Variants in CNTN5 observed in about 807,000 individuals in gnomAD.
CNTN5 encodes contactin 5.
In CNTN5, 77 loss-of-function variants were observed where a neutral mutation model predicts 129.1. The observed-to-expected ratio is 0.60, with a 90% CI of 0.50 to 0.72. The LOEUF (loss-of-function observed/expected upper bound fraction) is 0.72, where lower values mean the gene tolerates loss of function less well. CNTN5 is among the 30% of genes least tolerant of loss of function. The pLI is 0.00. For missense variants in CNTN5, 1,478 were observed against 1,328.8 expected (o/e 1.11, Z -1.75); for synonymous variants, 509 against 465.6 (o/e 1.09, Z -1.20).
intron 3 of CNTN5, among the ~76,000 whole-genome samples, chr11:99,764,638 A>G (rs1591123369): frequency 6.6e-6 from 1 of 151,718 alleles, no homozygotes; most frequent in South Asian, 2.1e-4. Flanking sequence ...CTAGTCTTGA[A>G]CTCCCGATCT....
intron 2 of CNTN5, among the ~76,000 whole-genome samples, chr11:99,392,416 A>T (rs2136190653): frequency 1.3e-5 from 2 of 151,934 alleles, no homozygotes; most frequent in East Asian, 3.9e-4. Flanking sequence ...GATGAAATTG[A>T]AAATACAAAA....
chr11:99,380,510 C>T (rs1343278972), intron 2 of CNTN5, among the ~76,000 whole-genome samples: 2 of 152,072 alleles, frequency 1.3e-5, no homozygotes, highest in Non-Finnish European at 2.9e-5. Flanking sequence ...TGGCTCACGC[C>T]TGTAATCCCA....
intron 15 of CNTN5, among the ~76,000 whole-genome samples, chr11:100,206,462 A>G (rs1948914428): frequency 6.6e-6 from 1 of 152,168 alleles, no homozygotes. Flanking sequence ...GTACATATAC[A>G]TAGCAAAAGT....
chr11:99,048,216 C>T (rs1864291764), intron 1 of CNTN5, among the ~76,000 whole-genome samples: 2 of 151,922 alleles, frequency 1.3e-5, no homozygotes, highest in African/African-American at 4.8e-5. Flanking sequence ...TAGGTAAAGT[C>T]CAAGGTGACC....
At chr11:99,431,437 A>G (rs1943366427) in intron 2 of CNTN5, among the ~76,000 whole-genome samples, 1 of 152,176 alleles carries the variant, frequency 6.6e-6, no homozygotes, top group Non-Finnish European at 1.5e-5. Context: ...TCACTTTTTT[A>G]ATGGAAATGA....
chr11:100,169,225 T>C (rs1947750254), intron 13 of CNTN5, among the ~76,000 whole-genome samples: 1 of 152,004 alleles, frequency 6.6e-6, no homozygotes, highest in African/African-American at 2.4e-5. Context: ...TGAAGAGGGT[T>C]GACTCCTATT....
chr11:99,508,441 G>A (rs970247462), intron 2 of CNTN5, among the ~76,000 whole-genome samples: 2 of 152,208 alleles, frequency 1.3e-5, no homozygotes, highest in African/African-American at 4.8e-5. Flanking sequence ...ATCCAGGGTT[G>A]TTGACTGAGT....
intron 16 of CNTN5, among the ~76,000 whole-genome samples, chr11:100,241,328 T>C (rs183496348): frequency 8.5e-5 from 13 of 152,182 alleles, no homozygotes; most frequent in Admixed American, 4.6e-4. Context: ...TCTACAAGTG[T>C]CTACAACTTC....
At chr11:99,612,615 C>A (rs940469127) in intron 3 of CNTN5, among the ~76,000 whole-genome samples, 1 of 152,150 alleles carries the variant, frequency 6.6e-6, no homozygotes, top group Non-Finnish European at 1.5e-5. Context: ...AACGTAGGAG[C>A]CTGAGCTCTC....
chr11:99,269,689 A>C (rs1267313826), intron 1 of CNTN5, among the ~76,000 whole-genome samples: 2 of 151,884 alleles, frequency 1.3e-5, no homozygotes, highest in African/African-American at 4.8e-5. Flanking sequence ...AGTCTACACA[A>C]CTTGAAATAT....
At chr11:99,551,570 G>A (rs1001733696) in intron 2 of CNTN5, among the ~76,000 whole-genome samples, 1 of 152,156 alleles carries the variant, frequency 6.6e-6, no homozygotes, top group South Asian at 2.1e-4. Flanking sequence ...ATCCCTTAAT[G>A]ACTGAGCCAT....
intron 1 of CNTN5, among the ~76,000 whole-genome samples, chr11:99,182,855 T>A (rs1858147032): frequency 6.6e-6 from 1 of 152,142 alleles, no homozygotes; most frequent in Admixed American, 6.5e-5. Context: ...CACTGTGTAA[T>A]GAAATATTAA....
At chr11:99,902,501 G>A (rs1243876143) in intron 6 of CNTN5, among the ~76,000 whole-genome samples, 1 of 152,032 alleles carries the variant, frequency 6.6e-6, no homozygotes, top group East Asian at 1.9e-4. Context: ...TGTATCACTA[G>A]TAAATAGACA....
At chr11:100,031,704 T>G (rs1941715557) in intron 9 of CNTN5, among the ~76,000 whole-genome samples, 1 of 152,238 alleles carries the variant, frequency 6.6e-6, no homozygotes, top group Non-Finnish European at 1.5e-5. Context: ...CTGTTTCTGT[T>G]TTAAGGCTCT....
intron 2 of CNTN5, among the ~76,000 whole-genome samples, chr11:99,349,742 GA>G (rs1938159929): frequency 1.3e-5 from 2 of 152,144 alleles, no homozygotes; most frequent in Admixed American, 1.3e-4. Flanking sequence ...ACTCATTTAA[GA>G]ACAGGATATG....
chr11:99,432,029 C>G (rs781750623), intron 2 of CNTN5, among the ~76,000 whole-genome samples: 1 of 152,114 alleles, frequency 6.6e-6, no homozygotes, highest in Admixed American at 6.6e-5. Flanking sequence ...CCAGTAAGTC[C>G]GCACTTTAGG....
At chr11:100,352,132 A>G (rs1461007164) in intron 24 of CNTN5, among the ~76,000 whole-genome samples, 1 of 151,508 alleles carries the variant, frequency 6.6e-6, no homozygotes, top group Non-Finnish European at 1.5e-5. Context: ...TAAGCCTAGT[A>G]CCCATTAGTT....
chr11:99,844,872 G>A lies in CNTN5; in HGVS notation c.298G>A (p.Val100Ile). Residue 100 changes from valine (V) to isoleucine (I), a missense_variant, in exon 5 of 25, where the codon GTT (valine) becomes ATT (isoleucine). Physicochemically the swap from Val to Ile is conservative, Grantham distance 29 (BLOSUM62 3). Transcript: ENST00000524871. ...KQDESVDYGP[V>I]FVQEPDDIIF... ...TACAGAAAGTGTGGACTATGGGCCA[G>A]TTTTTGTGCAAGAACCAGATGATAT... 6.2e-7 allele frequency: 1 copy of A among 1,613,532 alleles called. No homozygotes were observed. The highest frequency in any genetic ancestry group is 8.5e-7 in the Non-Finnish European group (1 of 1,179,654).
intron 3 of CNTN5, among the ~76,000 whole-genome samples, chr11:99,598,371 TCTCC>T (rs1205938128): frequency 0.014 from 131 of 9,124 alleles, 20 homozygotes; most frequent in East Asian, 0.045. Flanking sequence ...TCTCTCTCTC[TCTCC>T]CTCTCTCTCT....
Sources: gnomAD v4.1 joint callset for allele counts (sites outside exome capture counted in the v4.1 genomes callset) on GRCh38, gnomAD v4.1.1 for gene constraint, MANE v1.5 for transcripts, NCBI Gene and HGNC (gene_info 2026-07-23, HGNC 2026-07-21) for gene names.